Variants in DCC observed in about 807,000 individuals in gnomAD.
DCC encodes the protein DCC netrin 1 receptor.
A neutral mutation model predicts 172.5 loss-of-function variants in DCC; 58 were observed. The observed-to-expected ratio is 0.34, with a 90% CI of 0.27 to 0.42. DCC has a LOEUF of 0.42. DCC is among the 10% of genes least tolerant of loss of function. The probability of loss-of-function intolerance (pLI) is 1.00; values close to 1 mark genes in which losing one functional copy is unlikely to be tolerated. For missense variants in DCC, 1,740 were observed against 1,791.0 expected (o/e 0.97, Z 0.51); for synonymous variants, 709 against 644.5 (o/e 1.10, Z -1.52).
intron 2 of DCC, among the ~76,000 whole-genome samples, chr18:52,819,941 C>A (rs1270776452): frequency 6.6e-6 from 1 of 152,000 alleles, no homozygotes; most frequent in Admixed American, 6.6e-5. Context: ...AGGATGGTAT[C>A]AATCTCCTGA....
intron 1 of DCC, among the ~76,000 whole-genome samples, chr18:52,741,938 G>A (rs916078956): frequency 2.0e-5 from 3 of 152,140 alleles, no homozygotes; most frequent in Admixed American, 6.5e-5. Flanking sequence ...ACTTTGGGGA[G>A]ATAATTAGGG....
chr18:53,320,026 T>C (rs1391566168), intron 13 of DCC, among the ~76,000 whole-genome samples: 2 of 152,054 alleles, frequency 1.3e-5, no homozygotes, highest in Admixed American at 6.6e-5. Flanking sequence ...TGTTTATTCA[T>C]TTTAAAGAAA....
intron 17 of DCC, 123 bp from the exon 18 acceptor site, chr18:53,397,185 T>C: frequency 1.2e-6 from 1 of 854,830 alleles, no homozygotes; most frequent in South Asian, 1.4e-5. Context: ...TATGCTCTAC[T>C]CCTCTGCTGT....
At chr18:52,930,394 T>G (rs551438813) in intron 5 of DCC, among the ~76,000 whole-genome samples, 1 of 152,260 alleles carries the variant, frequency 6.6e-6, no homozygotes, top group South Asian at 2.1e-4. Context: ...GGAGCTCTAG[T>G]CCATCCTGGG....
intron 2 of DCC, among the ~76,000 whole-genome samples, chr18:52,878,841 T>A (rs2039439773): frequency 6.6e-6 from 1 of 152,208 alleles, no homozygotes. Flanking sequence ...AAGGTGTTGG[T>A]CTCAAATATA....
intron 7 of DCC, among the ~76,000 whole-genome samples, chr18:53,146,719 G>A (rs4939723): frequency 0.31 from 47,243 of 152,082 alleles, 9,171 homozygotes; most frequent in East Asian, 0.59. Flanking sequence ...GAGAATTAGT[G>A]AACATAGGAA....
chr18:53,492,822 T>C (rs1046413307), intron 26 of DCC, among the ~76,000 whole-genome samples: 2 of 152,336 alleles, frequency 1.3e-5, no homozygotes, highest in East Asian at 3.9e-4. Flanking sequence ...TCTCGTTCCA[T>C]ATGAAATTTA....
intron 24 of DCC, among the ~76,000 whole-genome samples, chr18:53,466,019 C>G (rs1035522183): frequency 1.3e-5 from 2 of 152,212 alleles, no homozygotes; most frequent in African/African-American, 4.8e-5. Context: ...CCACCTCAGC[C>G]TCCCAAAGTG....
At chr18:52,760,054 T>C (rs1414545050) in intron 2 of DCC, among the ~76,000 whole-genome samples, 1 of 152,200 alleles carries the variant, frequency 6.6e-6, no homozygotes, top group East Asian at 1.9e-4. Context: ...CCTGTATTAG[T>C]CTGTTCTCAC....
chr18:52,980,222 G>A (rs560782675), intron 5 of DCC, among the ~76,000 whole-genome samples: 1 of 152,126 alleles, frequency 6.6e-6, no homozygotes, highest in Admixed American at 6.6e-5. Context: ...GTCGTCATGC[G>A]GCTCCAGCTG....
At chr18:53,311,191 G>T (rs1274669153) in intron 13 of DCC, among the ~76,000 whole-genome samples, 1 of 151,244 alleles carries the variant, frequency 6.6e-6, no homozygotes, top group Admixed American at 6.6e-5. Context: ...GTGCAATCTC[G>T]GCTCACTGCA....
rs184909021 is a variant in DCC at position 53,285,457 on chromosome 18, G to C, written c.1912-20121G>C. Among the ~76,000 whole-genome samples the C allele has an allele frequency of 1.8e-4, 27 of 152,322 alleles. No individual in the cohort carries two copies. In the East Asian group the frequency reaches 5.2e-3, roughly 29 times the overall value. On this transcript the variant is annotated intron_variant, in intron 12 of 28. Coordinates refer to ENST00000442544, the MANE Select transcript of DCC (RefSeq NM_005215.4). Reference sequence around the variant, plus strand: ...AGCTTCTACGTTTTTAAGCCTGCAGGTACACAGAAGTCAAGAATTAAGGTT... The same window carrying C: ...AGCTTCTACGTTTTTAAGCCTGCAGCTACACAGAAGTCAAGAATTAAGGTT...
intron 14 of DCC, 124 bp downstream of exon 14, chr18:53,322,281 G>A: frequency 1.4e-6 from 1 of 698,792 alleles, no homozygotes; most frequent in Non-Finnish European, 2.6e-6. Context: ...ATGTTCACAT[G>A]CAAAACACAA....
intron 1 of DCC, among the ~76,000 whole-genome samples, chr18:52,526,772 T>C (rs2031995200): frequency 1.3e-5 from 2 of 152,134 alleles, no homozygotes; most frequent in South Asian, 4.1e-4. Context: ...AGTTGATAGA[T>C]TTTCTGCCTG....
At chr18:52,823,029 G>C (rs1317626657) in intron 2 of DCC, among the ~76,000 whole-genome samples, 1 of 152,128 alleles carries the variant, frequency 6.6e-6, no homozygotes, top group African/African-American at 2.4e-5. Flanking sequence ...GAAAACATAA[G>C]ACTAAATCTT....
chr18:52,517,156 G>T (rs1410769504), intron 1 of DCC, among the ~76,000 whole-genome samples: 3 of 152,182 alleles, frequency 2.0e-5, no homozygotes, highest in Non-Finnish European at 2.9e-5. Flanking sequence ...TAGAGGAAGG[G>T]TGCCAGAAGC....
chr18:52,371,982 A>G lies in DCC; in HGVS notation c.91+31104A>G, dbSNP rs78476310. 2.5e-3 allele frequency among the ~76,000 whole-genome samples: 379 copies of G among 152,310 alleles called. 4 individuals are homozygous for G. The Middle Eastern group carries it at 0.031, about 12-fold the overall frequency. On this transcript the variant is annotated intron_variant, in intron 1 of 28. Coordinates refer to ENST00000442544, the MANE Select transcript of DCC (RefSeq NM_005215.4). ...AATTGCATTGTCTTACTCTCTGATC[A>G]TGTCCTCCTTTTGATCAGCTACTCA...
chr18:53,422,174 T>C (rs1481688530), intron 21 of DCC, among the ~76,000 whole-genome samples: 2 of 152,180 alleles, frequency 1.3e-5, no homozygotes, highest in Non-Finnish European at 2.9e-5. Flanking sequence ...ATTCCACATC[T>C]TACTTAACAC....
intron 2 of DCC, among the ~76,000 whole-genome samples, chr18:52,848,377 A>G (rs2038928169): frequency 1.3e-5 from 2 of 152,114 alleles, no homozygotes; most frequent in African/African-American, 4.8e-5. Flanking sequence ...GTGTGCTACC[A>G]TGCCCGGCCG....
Sources: allele counts gnomAD v4.1 joint callset (sites outside exome capture counted in the v4.1 genomes callset), GRCh38; gene constraint gnomAD v4.1.1; transcripts MANE v1.5; gene names NCBI Gene and HGNC (gene_info 2026-07-23, HGNC 2026-07-21).